Variants in TMEFF2 observed in about 807,000 individuals in gnomAD.
TMEFF2 encodes tomoregulin-2.
A neutral mutation model predicts 53.8 loss-of-function variants in TMEFF2; 28 were observed. The ratio of observed to expected loss-of-function variants is 0.52; its 90% CI spans 0.39 to 0.71. The LOEUF is 0.71. Ranked by LOEUF, TMEFF2 falls within the 30% of genes least tolerant of loss-of-function variation. TMEFF2 has a pLI of 0.00. For missense variants in TMEFF2, 353 were observed against 455.2 expected (o/e 0.78, Z 2.04); for synonymous variants, 162 against 166.3 (o/e 0.97, Z 0.20).
intron 3 of TMEFF2, among the ~76,000 whole-genome samples, chr2:192,182,468 G>GAGAGAACAA (rs1691210433): frequency 6.6e-6 from 1 of 151,892 alleles, no homozygotes; most frequent in Non-Finnish European, 1.5e-5. Context: ...GCTAAAGATG[G>GAGAGAACAA]ATTACTCGAT....
chr2:192,001,278 TAGATA>T (rs1686351621), intron 5 of TMEFF2, among the ~76,000 whole-genome samples: 2 of 152,122 alleles, frequency 1.3e-5, no homozygotes, highest in Admixed American at 6.5e-5. Context: ...AATGGTAAAT[TAGATA>T]AGATATTAGG....
chr2:192,044,990 A>G (rs1687580349), intron 5 of TMEFF2, among the ~76,000 whole-genome samples: 1 of 152,180 alleles, frequency 6.6e-6, no homozygotes, highest in African/African-American at 2.4e-5. Context: ...CTCTTGGCAC[A>G]AGTAAGTTAC....
chr2:192,116,446 G>A lies in TMEFF2; in HGVS notation c.440-58671C>T, dbSNP rs140836516. 9.2e-4 allele frequency among the ~76,000 whole-genome samples: 140 copies of A among 151,972 alleles called. 1 individual carries two copies. Among genetic ancestry groups the A allele is most frequent in the African/African-American group, 3.0e-3 (124 of 41,552 alleles). ...TACTTAATAATAATGTATTGTATAC[G>A]TGAAACTTGCTAAGACAGAGTAAAT... On this transcript the variant is annotated intron_variant, in intron 4 of 9. Transcript: ENST00000272771.
At chr2:192,155,072 C>G (rs1049003985) in intron 4 of TMEFF2, among the ~76,000 whole-genome samples, 2 of 151,828 alleles carry the variant, frequency 1.3e-5, no homozygotes, top group African/African-American at 4.8e-5. Flanking sequence ...GGCCAATGCA[C>G]CCTGTGGTGA....
chr2:192,134,034 T>A (rs1007258656), intron 4 of TMEFF2, among the ~76,000 whole-genome samples: 9 of 152,200 alleles, frequency 5.9e-5, no homozygotes, highest in African/African-American at 1.9e-4. Flanking sequence ...GACCTTACTG[T>A]TTTAGCCTAG....
chr2:192,010,210 AT>A (rs1686593569), intron 5 of TMEFF2, among the ~76,000 whole-genome samples: 1 of 152,128 alleles, frequency 6.6e-6, no homozygotes, highest in Non-Finnish European at 1.5e-5. Flanking sequence ...ACATGGTGGC[AT>A]TTTAGTTTAC....
intron 5 of TMEFF2, among the ~76,000 whole-genome samples, chr2:192,043,040 C>T (rs1247460348): frequency 2.0e-5 from 3 of 152,092 alleles, no homozygotes. Flanking sequence ...AATTGGGTCT[C>T]AGGGCAGCAG....
At chr2:191,964,777 A>G (rs1261422865) in intron 7 of TMEFF2, among the ~76,000 whole-genome samples, 1 of 152,024 alleles carries the variant, frequency 6.6e-6, no homozygotes, top group African/African-American at 2.4e-5. Flanking sequence ...CAGAGAAACT[A>G]TTATGACCAA....
At chr2:192,033,540 T>TA in intron 5 of TMEFF2, among the ~76,000 whole-genome samples, 1 of 148,996 alleles carries the variant, frequency 6.7e-6, no homozygotes, top group East Asian at 2.0e-4. Flanking sequence ...TTTTTTTTTT[T>TA]ACACAAAACC....
intron 7 of TMEFF2, among the ~76,000 whole-genome samples, chr2:191,985,720 T>A (rs1685959838): frequency 6.6e-6 from 1 of 152,206 alleles, no homozygotes; most frequent in East Asian, 1.9e-4. Context: ...CTACAGTAAT[T>A]ATTGTGGCAA....
chr2:191,954,687 TAG>T (rs1692010344), intron 8 of TMEFF2, among the ~76,000 whole-genome samples: 1 of 152,094 alleles, frequency 6.6e-6, no homozygotes, highest in Non-Finnish European at 1.5e-5. Flanking sequence ...CTGCTGATGA[TAG>T]AGTCAAATTT....
Position 191,998,272 on chromosome 2 carries a change from T to C in TMEFF2, c.735A>G (p.Thr245=). The C allele has an allele frequency of 1.3e-6, 2 of 1,599,398 alleles. No homozygotes were observed. Among genetic ancestry groups the C allele is most frequent in the Non-Finnish European group, 1.7e-6 (2 of 1,173,228 alleles). The change falls in exon 7 of 10, where the codon ACA becomes ACG. Residue 245 remains threonine (T), a synonymous_variant. Transcript: ENST00000272771. ...GAAAATATTATGTACCTGCATAATC[T>C]GTTCTTGCATAATGCCCATCTTCAG... ...TKSEDGHYAR[T]DYAENANKLE...
At chr2:192,073,680 T>A (rs1161821106) in intron 4 of TMEFF2, among the ~76,000 whole-genome samples, 1 of 151,978 alleles carries the variant, frequency 6.6e-6, no homozygotes, top group Non-Finnish European at 1.5e-5. Flanking sequence ...ACATTCCTCA[T>A]TTTTTGGTTT....
At chr2:191,951,180 T>A (rs1030300647) in intron 9 of TMEFF2, among the ~76,000 whole-genome samples, 1 of 150,676 alleles carries the variant, frequency 6.6e-6, no homozygotes, top group East Asian at 1.9e-4. Flanking sequence ...TGTGTGTGTA[T>A]GTATGTGTAT....
chr2:192,037,277 GAAA>G lies in TMEFF2; in HGVS notation c.536+20399_536+20401del, dbSNP rs1559096306. 3.7e-3 allele frequency among the ~76,000 whole-genome samples: 350 copies of G among 95,790 alleles called. 3 individuals carry two copies. Among genetic ancestry groups the G allele is most frequent in the Admixed American group, 0.012 (120 of 9,736 alleles). The allele number at this position is 95,790 out of a possible 152,430, so 62.8% of individuals were successfully genotyped here. ...CACTTCTAAGACTAGCCAAAATAAAGAAAGAAAGAAAGAAAGAAAGAAAGAAAG... is the reference window on the plus strand; with the variant it reads ...CACTTCTAAGACTAGCCAAAATAAAGGAAAGAAAGAAAGAAAGAAAGAAAG... On this transcript the variant is annotated intron_variant, in intron 5 of 9. Coordinates refer to ENST00000272771, the MANE Select transcript of TMEFF2 (RefSeq NM_016192.4).
chr2:192,192,528 T>C (rs1413191929), intron 1 of TMEFF2, among the ~76,000 whole-genome samples: 1 of 152,206 alleles, frequency 6.6e-6, no homozygotes, highest in Non-Finnish European at 1.5e-5. Flanking sequence ...TGTGATGGTC[T>C]GTTTGGCTCA....
Position 192,184,435 on chromosome 2 carries a change from G to A in TMEFF2, c.331C>T (p.Gln111Ter), listed in dbSNP as rs1402903541. 1.9e-6 allele frequency: 3 copies of A among 1,613,242 alleles called. No homozygotes were observed. The Admixed American group carries it at 5.0e-5, about 27-fold the overall frequency. ...GCCTGTCGCAGGTAACACTCATTCT[G>A]GTAGCTCTCCCCATTGGAGCCACAC... ...PVCGSNGESY[Q>*]NECYLRQAAC... Residue 111 changes from glutamine to a stop codon, truncating the protein, a stop_gained, in exon 3 of 10, where the codon CAG (glutamine) becomes TAG (stop). Coordinates refer to ENST00000272771, the MANE Select transcript of TMEFF2 (RefSeq NM_016192.4). LOFTEE classifies it high-confidence loss of function.
chr2:192,064,711 A>G (rs142355377), intron 4 of TMEFF2, among the ~76,000 whole-genome samples: 301 of 151,996 alleles, frequency 2.0e-3, no homozygotes, highest in African/African-American at 7.1e-3. Context: ...TTGCCATTGA[A>G]ATGTGAGTGG....
intron 4 of TMEFF2, among the ~76,000 whole-genome samples, chr2:192,075,332 T>C (rs13025058): frequency 0.47 from 41,173 of 87,816 alleles, 8,826 homozygotes; most frequent in Non-Finnish European, 0.52. Flanking sequence ...TATATATATA[T>C]ACATACATAC....
Sources: gnomAD v4.1 joint callset for allele counts (sites outside exome capture counted in the v4.1 genomes callset) on GRCh38, gnomAD v4.1.1 for gene constraint, MANE v1.5 for transcripts, NCBI Gene and HGNC (gene_info 2026-07-23, HGNC 2026-07-21) for gene names.